IL5RA: variants seen among roughly 807,000 people sequenced by gnomAD.
The protein encoded by IL5RA is interleukin-5 receptor subunit alpha.
A neutral mutation model predicts 50.0 loss-of-function variants in IL5RA; 49 were observed. The observed-to-expected ratio is 0.98, with a 90% CI of 0.78 to 1.24. The LOEUF (loss-of-function observed/expected upper bound fraction) is 1.24, where lower values mean the gene tolerates loss of function less well. Among genes scored for constraint, IL5RA ranks in the 50% most tolerant of loss-of-function variants. The pLI is 0.00. For synonymous variants in IL5RA, 202 were observed against 174.0 expected, an observed-to-expected ratio of 1.16 and a Z score of -1.26; for missense variants, 600 against 500.4, an observed-to-expected ratio of 1.20 and a Z score of -1.90.
At chr3:3,096,146 T>C (rs562520038) in intron 7 of IL5RA, among the ~76,000 whole-genome samples, 133 of 151,874 alleles carry the variant, frequency 8.8e-4, no homozygotes, top group African/African-American at 3.0e-3. Flanking sequence ...AGCGTGGTGG[T>C]GGGCGCCTGT....
chr3:3,066,805 T>C lies in IL5RA; in HGVS notation c.*3420A>G, dbSNP rs991509359. ...CAATGAGGCTCAGGTGGTCGGGCTG[T>C]TGGCAAATGTGACCTTCACCCTCCA... is the stretch of plus-strand genomic sequence containing the variant. On this transcript the variant is annotated 3_prime_UTR_variant, in exon 12 of 12. Transcript: ENST00000446632. The C allele has an allele frequency of 1.4e-4, 22 of 152,366 alleles. No individual in the cohort carries two copies. The highest frequency in any genetic ancestry group is 5.3e-4 in the African/African-American group (22 of 41,576). 9.4% of individuals were successfully genotyped at this position (152,366 alleles called of 1,614,324 possible).
In IL5RA at chr3:3,101,765, C is replaced by T; in HGVS notation, c.294G>A (p.Val98=). Residue 98 remains valine, a synonymous_variant, in exon 5 of 12, where the codon GTG becomes GTA. Coordinates refer to ENST00000446632, the MANE Select transcript of IL5RA (RefSeq NM_175726.4). Reference sequence around the variant, plus strand: ...AGTGGTCGTTCTGCAGGATGGTCCGCACACTTGCTGAAAAGCCTTTGTGGA... The same window carrying T: ...AGTGGTCGTTCTGCAGGATGGTCCGTACACTTGCTGAAAAGCCTTTGTGGA... ...TILHKGFSAS[V]RTILQNDHSL... is the part of the protein sequence containing the mutation. 1 of 1,614,110 alleles carries T rather than the reference C, an allele frequency of 6.2e-7. No homozygotes were observed. Among genetic ancestry groups the T allele is most frequent in the Non-Finnish European group, 8.5e-7 (1 of 1,179,988 alleles).
chr3:3,098,452 G>A (rs1358812797), intron 5 of IL5RA, among the ~76,000 whole-genome samples, 162 bp from the exon 6 acceptor site: 1 of 152,174 alleles, frequency 6.6e-6, no homozygotes, highest in East Asian at 1.9e-4. Flanking sequence ...CTGTCACCCA[G>A]GCTGCAGTGC....
Position 3,069,722 on chromosome 3 carries a change from A to AT in IL5RA, c.*502dup, listed in dbSNP as rs1702234467. ...ATTCTAGAATGTAGGGGGGTGAGGA[A>AT]TTTGTGGCTCTCACTTGCTATAGAA... is the stretch of plus-strand genomic sequence containing the variant. On this transcript the variant is annotated 3_prime_UTR_variant, in exon 12 of 12. Transcript: ENST00000446632. 1 of 153,202 alleles carries AT rather than the reference A, an allele frequency of 6.5e-6. No homozygotes were observed. Among genetic ancestry groups the AT allele is most frequent in the African/African-American group, 2.4e-5 (1 of 41,296 alleles). The allele number at this position is 153,202 out of a possible 1,614,324, so 9.5% of individuals were successfully genotyped here. A position where few individuals can be genotyped will look rare whatever the true frequency, so the allele number is the denominator to read the frequency against.
chr3:3,076,607 AG>A lies in IL5RA; in HGVS notation c.1014del (p.Leu339Ter), dbSNP rs1702494103. On this transcript the variant is annotated frameshift_variant, in exon 10 of 12. Coordinates refer to ENST00000446632, the MANE Select transcript of IL5RA (RefSeq NM_175726.4). LOFTEE classifies it high-confidence loss of function. ...PIYVGNDEHK[P>X]LREWFVIVIM... Reference sequence around the variant, plus strand: ...ATCACAATGACAAACCACTCTCTCAAGGGCTTGTGTTCATCATTTCCTGGTG... The same window carrying A: ...ATCACAATGACAAACCACTCTCTCAAGGCTTGTGTTCATCATTTCCTGGTG... The A allele has an allele frequency of 1.2e-6, 2 of 1,609,788 alleles. No individual in the cohort carries two copies. Among genetic ancestry groups the A allele is most frequent in the Admixed American group, 3.3e-5 (2 of 59,906 alleles).
At chr3:3,091,557 C>A (rs1379108857) in intron 9 of IL5RA, among the ~76,000 whole-genome samples, 2 of 152,064 alleles carry the variant, frequency 1.3e-5, no homozygotes, top group African/African-American at 4.8e-5. Flanking sequence ...CGTGGTGAAA[C>A]CCTGTCTCTA....
rs751955220 is a variant in IL5RA at position 3,092,246 on chromosome 3, C to T, written c.972G>A (p.Glu324=). The T allele has an allele frequency of 1.2e-6, 2 of 1,613,998 alleles. No homozygotes were observed. The highest frequency in any genetic ancestry group is 2.2e-5 in the South Asian group (2 of 91,046). Residue 324 remains glutamate, a synonymous_variant, in exon 9 of 12, where the codon GAG becomes GAA. Transcript: ENST00000446632. This position sits in a 1 kb window ranked among gnomAD's most constrained non-coding sequence, Gnocchi z 4.2. The stretch of plus-strand genomic sequence containing the variant: ...TACCCACATAAATAGGTTGGCTCCA[C>T]TCACTCCAGAGCCCTGCCTCTCTGC... ...SMCREAGLWS[E]WSQPIYVGND...
At chr3:3,071,661 C>A (rs1264550046) in intron 11 of IL5RA, among the ~76,000 whole-genome samples, 2 of 150,898 alleles carry the variant, frequency 1.3e-5, no homozygotes, top group East Asian at 3.9e-4. Flanking sequence ...ACAATCTCAG[C>A]TCACTGCAAC....
intron 9 of IL5RA, among the ~76,000 whole-genome samples, chr3:3,085,495 C>G (rs907755735): frequency 6.6e-6 from 1 of 152,066 alleles, no homozygotes; most frequent in Non-Finnish European, 1.5e-5. Flanking sequence ...GATTAGAGCT[C>G]CAGGTGGGAG....
intron 11 of IL5RA, among the ~76,000 whole-genome samples, chr3:3,074,286 A>G (rs768722375): frequency 2.2e-4 from 33 of 152,254 alleles, no homozygotes; most frequent in Non-Finnish European, 4.1e-4. Context: ...GCTAAGCAGA[A>G]CATTGTACAA....
intron 9 of IL5RA, among the ~76,000 whole-genome samples, chr3:3,077,927 T>A (rs2125955822): frequency 6.6e-6 from 1 of 152,350 alleles, no homozygotes; most frequent in East Asian, 1.9e-4. Context: ...AGGCTGCTCA[T>A]TCATTAATTC....
At chr3:3,102,439 C>T (rs1703696391) in intron 4 of IL5RA, among the ~76,000 whole-genome samples, 1 of 152,200 alleles carries the variant, frequency 6.6e-6, no homozygotes, top group South Asian at 2.1e-4. Context: ...AAACATTCTT[C>T]CTTAAGGGAA....
chr3:3,100,980 C>CAATAAT (rs35949387), intron 5 of IL5RA, among the ~76,000 whole-genome samples: 4,646 of 141,636 alleles, frequency 0.033, 91 homozygotes, highest in Non-Finnish European at 0.046. Flanking sequence ...AACCCCATCT[C>CAATAAT]AATAATAATA....
Position 3,100,167 on chromosome 3 carries a change from C to T in IL5RA, c.367+1525G>A, listed in dbSNP as rs541940163. On this transcript the variant is annotated intron_variant, in intron 5 of 11. Transcript: ENST00000446632. Reference sequence around the variant, plus strand: ...CTCTTGCACCTGGGCCAGGAAGGACCGCATTCAAGTGGGAGCCTTGAGAGA... The same window carrying T: ...CTCTTGCACCTGGGCCAGGAAGGACTGCATTCAAGTGGGAGCCTTGAGAGA... 2.1e-4 allele frequency among the ~76,000 whole-genome samples: 26 copies of T among 122,860 alleles called. No homozygotes were observed. The South Asian group carries it at 7.7e-3, about 36-fold the overall frequency. 80.6% of individuals were successfully genotyped at this position (122,860 alleles called of 152,430 possible).
chr3:3,099,103 A>G (rs1248304560), intron 5 of IL5RA, among the ~76,000 whole-genome samples: 1 of 152,242 alleles, frequency 6.6e-6, no homozygotes, highest in Non-Finnish European at 1.5e-5. Context: ...GTTGCTGCTC[A>G]GAAGAAATGA....
intron 9 of IL5RA, among the ~76,000 whole-genome samples, chr3:3,085,710 T>G (rs1702829688): frequency 6.6e-6 from 1 of 152,108 alleles, no homozygotes; most frequent in South Asian, 2.1e-4. Flanking sequence ...TGGGGTGGCC[T>G]TCCTTCCAGC....
Position 3,097,985 on chromosome 3 carries a change from A to G in IL5RA, c.594T>C (p.Phe198=). The G allele has an allele frequency of 6.2e-7, 1 of 1,614,248 alleles. No homozygotes were observed. The highest frequency in any genetic ancestry group is 8.5e-7 in the Non-Finnish European group (1 of 1,180,042). ...CTTTGCTGAGGATAAAAGTCCTGGGAAACCAGCATGCGATATTTCTCCCCA... is the reference window on the plus strand; with the variant it reads ...CTTTGCTGAGGATAAAAGTCCTGGGGAACCAGCATGCGATATTTCTCCCCA... ...DTLGRNIACW[F]PRTFILSKGR... is the part of the protein sequence containing the mutation. The change falls in exon 7 of 12, where the codon TTT becomes TTC. Residue 198 remains phenylalanine (F), a synonymous_variant. Transcript: ENST00000446632.
At chr3:3,090,716 G>T (rs185946886) in intron 9 of IL5RA, among the ~76,000 whole-genome samples, 2 of 151,592 alleles carry the variant, frequency 1.3e-5, no homozygotes, top group Non-Finnish European at 2.9e-5. Context: ...ACAGGCGCCC[G>T]CCACCACGCC....
intron 10 of IL5RA, 76 bp from the exon 11 acceptor site, chr3:3,074,942 ACC>A (rs1702426045): frequency 1.1e-6 from 1 of 901,304 alleles, no homozygotes; most frequent in African/African-American, 1.7e-5. Context: ...CTAAAAATTG[ACC>A]TGGTTGATTC....
Sources: allele counts gnomAD v4.1 joint callset (sites outside exome capture counted in the v4.1 genomes callset), GRCh38; gene constraint gnomAD v4.1.1; non-coding constraint Gnocchi (gnomAD v3.1); transcripts MANE v1.5; gene names NCBI Gene and HGNC (gene_info 2026-07-23, HGNC 2026-07-21).